Variants in TAFA2 observed in about 807,000 individuals in gnomAD.
TAFA2 encodes the protein chemokine-like protein TAFA-2.
In TAFA2, 7 loss-of-function variants were observed where a neutral mutation model predicts 18.8. The ratio of observed to expected loss-of-function variants is 0.37; its 90% CI spans 0.21 to 0.70. TAFA2 has a LOEUF of 0.70. Ranked by LOEUF, TAFA2 falls within the 30% of genes least tolerant of loss-of-function variation. The pLI, the probability that TAFA2 is intolerant of heterozygous loss-of-function variation, is 0.53. For missense variants in TAFA2, 122 were observed against 158.1 expected, an observed-to-expected ratio of 0.77 and a Z score of 1.23; for synonymous variants, 60 against 54.2, an observed-to-expected ratio of 1.11 and a Z score of -0.47.
At chr12:61,744,183 C>G (rs1445006327) in intron 4 of TAFA2, among the ~76,000 whole-genome samples, 1 of 152,012 alleles carries the variant, frequency 6.6e-6, no homozygotes, top group Non-Finnish European at 1.5e-5. Flanking sequence ...GAAGCAGTCG[C>G]CTAAAGATGT....
intron 1 of TAFA2, among the ~76,000 whole-genome samples, chr12:62,138,604 A>G (rs914648431): frequency 2.0e-5 from 3 of 152,198 alleles, no homozygotes; most frequent in African/African-American, 7.2e-5. Flanking sequence ...GACCAACAGA[A>G]CACACTGAAC....
intron 1 of TAFA2, among the ~76,000 whole-genome samples, chr12:62,018,101 G>T (rs796319236): frequency 1.3e-5 from 2 of 152,278 alleles, no homozygotes; most frequent in African/African-American, 4.8e-5. Context: ...ATGATATAAG[G>T]TACTGGGCAT....
chr12:61,986,958 T>C (rs1879841520), intron 1 of TAFA2, among the ~76,000 whole-genome samples: 1 of 152,214 alleles, frequency 6.6e-6, no homozygotes, highest in African/African-American at 2.4e-5. Flanking sequence ...GTTATTCTCT[T>C]GGTCAAGAAA....
intron 1 of TAFA2, among the ~76,000 whole-genome samples, chr12:62,114,160 G>A (rs1376713172): frequency 1.3e-5 from 2 of 152,190 alleles, no homozygotes; most frequent in Non-Finnish European, 2.9e-5. Flanking sequence ...AAGTTGTGAA[G>A]ACCATGGGAA....
chr12:62,171,696 C>T (rs1397112300), intron 1 of TAFA2, among the ~76,000 whole-genome samples: 1 of 152,112 alleles, frequency 6.6e-6, no homozygotes, highest in Non-Finnish European at 1.5e-5. Flanking sequence ...CTTGAACTTC[C>T]CAGCGTCCAT....
chr12:61,809,955 C>T (rs10784264), intron 2 of TAFA2, among the ~76,000 whole-genome samples: 134,335 of 150,984 alleles, frequency 0.89, 60,030 homozygotes, highest in East Asian at 0.98. Context: ...CCTAACCCCA[C>T]AATGTTTTCT....
At position 61,972,954 on chromosome 12, in the gene TAFA2, T is replaced by A. The variant is rs114919077; in HGVS notation, c.-1-105528A>T. Among the ~76,000 whole-genome samples the A allele has an allele frequency of 5.4e-3, 817 of 151,796 alleles. 10 individuals carry two copies. Among genetic ancestry groups the A allele is most frequent in the African/African-American group, 0.019 (768 of 41,480 alleles). On this transcript the variant is annotated intron_variant, in intron 1 of 4. Coordinates refer to ENST00000416284, the MANE Select transcript of TAFA2 (RefSeq NM_178539.5). ...AGTAACTGATACTTTAGAAACGATT[T>A]TCCCACCTACCTACATACCCTATTC...
At chr12:62,020,964 A>G (rs533484544) in intron 1 of TAFA2, among the ~76,000 whole-genome samples, 1 of 152,244 alleles carries the variant, frequency 6.6e-6, no homozygotes, top group Non-Finnish European at 1.5e-5. Flanking sequence ...ATTTGAACTC[A>G]GTTATATTCA....
chr12:61,802,334 A>G (rs1414341084), intron 2 of TAFA2, among the ~76,000 whole-genome samples: 1 of 152,120 alleles, frequency 6.6e-6, no homozygotes, highest in Non-Finnish European at 1.5e-5. Flanking sequence ...ACTATGCACA[A>G]AAGCCAAGAT....
intron 4 of TAFA2, among the ~76,000 whole-genome samples, chr12:61,736,297 G>T (rs144869903): frequency 6.6e-6 from 1 of 152,078 alleles, no homozygotes; most frequent in African/African-American, 2.4e-5. Flanking sequence ...GCTTTCCAAT[G>T]CCTCCAAACA....
At chr12:61,795,818 C>A (rs1348674319) in intron 2 of TAFA2, among the ~76,000 whole-genome samples, 3 of 150,430 alleles carry the variant, frequency 2.0e-5, no homozygotes, top group Non-Finnish European at 3.0e-5. Context: ...TTTTATAGAG[C>A]TAGAATAATC....
intron 1 of TAFA2, among the ~76,000 whole-genome samples, chr12:61,911,625 T>C (rs1044214546): frequency 5.3e-5 from 8 of 152,306 alleles, no homozygotes; most frequent in Middle Eastern, 3.4e-3. Context: ...AGCAGAGTTT[T>C]CTGTCCTAGT....
intron 1 of TAFA2, among the ~76,000 whole-genome samples, chr12:62,101,539 G>A (rs1434031636): frequency 6.6e-6 from 1 of 152,190 alleles, no homozygotes; most frequent in Non-Finnish European, 1.5e-5. Context: ...ACACTGTAGA[G>A]TTCAAGCAGG....
At chr12:61,921,041 A>C (rs1015600549) in intron 1 of TAFA2, among the ~76,000 whole-genome samples, 1 of 152,182 alleles carries the variant, frequency 6.6e-6, no homozygotes, top group African/African-American at 2.4e-5. Flanking sequence ...GGAGTAGAAC[A>C]GAAGAGAAAA....
intron 1 of TAFA2, among the ~76,000 whole-genome samples, chr12:62,117,069 A>G (rs1869993462): frequency 6.6e-6 from 1 of 152,128 alleles, no homozygotes; most frequent in Admixed American, 6.6e-5. Context: ...GAGAAACCAA[A>G]TCTGCCAACT....
intron 1 of TAFA2, among the ~76,000 whole-genome samples, chr12:61,903,693 G>T (rs914296827): frequency 6.6e-6 from 1 of 152,092 alleles, no homozygotes; most frequent in Non-Finnish European, 1.5e-5. Context: ...TGGATAAATT[G>T]CTTGATTTGC....
In TAFA2 at chr12:62,000,520, T is replaced by A. The variant is rs918565296; in HGVS notation, c.-1-133094A>T. Among the ~76,000 whole-genome samples the A allele has an allele frequency of 6.1e-5, 9 of 146,426 alleles. 1 individual carries two copies. Among genetic ancestry groups the A allele is most frequent in the Non-Finnish European group, 1.2e-4 (8 of 66,458 alleles). On this transcript the variant is annotated intron_variant, in intron 1 of 4. Transcript: ENST00000416284. ...AAAAACTGTACATATACACACCCTA[T>A]GACCTAACAATTTCACTACTGGTAT...
intron 4 of TAFA2, among the ~76,000 whole-genome samples, chr12:61,743,952 C>A (rs1868575580): frequency 6.6e-6 from 1 of 152,086 alleles, no homozygotes; most frequent in African/African-American, 2.4e-5. Context: ...GCTTCTTGAA[C>A]ATACCTTTCT....
intron 1 of TAFA2, among the ~76,000 whole-genome samples, chr12:61,955,656 T>A (rs1565695254): frequency 8.4e-5 from 9 of 107,174 alleles, no homozygotes; most frequent in East Asian, 2.7e-4. Flanking sequence ...TATATATATA[T>A]ATATATATAT....
Sources: allele counts gnomAD v4.1 joint callset (sites outside exome capture counted in the v4.1 genomes callset), GRCh38; gene constraint gnomAD v4.1.1; transcripts MANE v1.5; gene names NCBI Gene and HGNC (gene_info 2026-07-23, HGNC 2026-07-21).